The following GALNT5 variants were observed in gnomAD, a reference collection of about 807,000 sequenced individuals.
GALNT5 encodes the protein UDP-GalNAc:polypeptide N-acetylgalactosaminyltransferase 5.
In GALNT5, 72 loss-of-function variants were observed where a neutral mutation model predicts 85.4. That is an observed-to-expected ratio of 0.84 (90% CI 0.70 to 1.03). GALNT5 has a LOEUF of 1.03. Ranked by LOEUF, GALNT5 falls within the 50% of genes least tolerant of loss-of-function variation. GALNT5 has a pLI of 0.00. For synonymous variants in GALNT5, 404 were observed against 397.0 expected (o/e 1.02, Z -0.21); for missense variants, 1,137 against 1,135.5 (o/e 1.00, Z -0.02).
At chr2:157,295,930 A>T (rs1272717859) in intron 4 of GALNT5, 132 bp downstream of exon 4, 2 of 653,238 alleles carry the variant, frequency 3.1e-6, no homozygotes, top group Non-Finnish European at 5.2e-6. Flanking sequence ...TACTTAAATA[A>T]ATGGAAAAAC....
At chr2:157,286,452 A>G (rs1682972948) in intron 3 of GALNT5, among the ~76,000 whole-genome samples, 1 of 152,106 alleles carries the variant, frequency 6.6e-6, no homozygotes, top group Non-Finnish European at 1.5e-5. Flanking sequence ...TAAATATAAT[A>G]CCTACTATAT....
intron 1 of GALNT5, among the ~76,000 whole-genome samples, chr2:157,281,902 G>T (rs1030484963): frequency 6.6e-6 from 1 of 152,180 alleles, no homozygotes; most frequent in African/African-American, 2.4e-5. Context: ...GGTGCATACT[G>T]ATATCTTCTT....
intron 3 of GALNT5, among the ~76,000 whole-genome samples, chr2:157,291,637 C>G (rs796352248): frequency 3.0e-4 from 41 of 135,942 alleles, no homozygotes; most frequent in African/African-American, 1.1e-3. Flanking sequence ...CCACCCACCC[C>G]CCCCCAGATT....
chr2:157,274,061 G>C (rs1682662154), intron 1 of GALNT5, among the ~76,000 whole-genome samples: 1 of 152,004 alleles, frequency 6.6e-6, no homozygotes, highest in African/African-American at 2.4e-5. Flanking sequence ...ACCTATGAGT[G>C]AAAACATGTG....
At chr2:157,280,622 A>G (rs141958978) in intron 1 of GALNT5, among the ~76,000 whole-genome samples, 22 of 152,370 alleles carry the variant, frequency 1.4e-4, no homozygotes, top group South Asian at 1.2e-3. Context: ...GTGCTGCTAT[A>G]ACAAGTACCC....
chr2:157,310,500 C>T (rs562360608), intron 9 of GALNT5, among the ~76,000 whole-genome samples: 1 of 152,172 alleles, frequency 6.6e-6, no homozygotes, highest in South Asian at 2.1e-4. Flanking sequence ...ATGAAAGTCA[C>T]CCCTGTTTGA....
In GALNT5 at chr2:157,262,454, T is replaced by C. The variant is rs150732440; in HGVS notation, c.1454+2918T>C. Reference sequence around the variant, plus strand: ...GAGTTTGAGATCAGCCTGGGCAATATAGTGAGACCTCATCATTACAAAAAA... The same window carrying C: ...GAGTTTGAGATCAGCCTGGGCAATACAGTGAGACCTCATCATTACAAAAAA... On this transcript the variant is annotated intron_variant, in intron 1 of 9. Transcript: ENST00000259056. 6.7e-3 allele frequency among the ~76,000 whole-genome samples: 1,023 copies of C among 152,100 alleles called. 11 individuals carry two copies. The highest frequency in any genetic ancestry group is 0.022 in the African/African-American group (928 of 41,484).
intron 3 of GALNT5, among the ~76,000 whole-genome samples, chr2:157,292,997 C>T (rs1049711122): frequency 3.3e-5 from 5 of 152,152 alleles, no homozygotes; most frequent in Admixed American, 6.5e-5. Flanking sequence ...CCACCACACC[C>T]GGCCAGGAAT....
chr2:157,270,736 TG>T (rs1405075560), intron 1 of GALNT5, among the ~76,000 whole-genome samples: 1 of 152,210 alleles, frequency 6.6e-6, no homozygotes, highest in African/African-American at 2.4e-5. Flanking sequence ...CAGAAAATTT[TG>T]GATGCAGAAG....
At position 157,257,851 on chromosome 2, in the gene GALNT5, G is replaced by A. The variant is rs1682220127; in HGVS notation, c.-232G>A. ...CCAGTGTTTATCAGAACTTAGCCAG[G>A]GCCAGCCAAGCAGGCACAGATGCTC... On this transcript the variant is annotated 5_prime_UTR_variant, in exon 1 of 10. Coordinates refer to ENST00000259056, the MANE Select transcript of GALNT5 (RefSeq NM_014568.3). 1.8e-6 allele frequency: 1 copy of A among 555,606 alleles called. No homozygotes were observed. The highest frequency in any genetic ancestry group is 3.1e-5 in the Admixed American group (1 of 32,420). 34.4% of individuals were successfully genotyped at this position (555,606 alleles called of 1,614,324 possible). A position where few individuals can be genotyped will look rare whatever the true frequency, so the allele number is the denominator to read the frequency against.
At chr2:157,273,003 C>T (rs1206376032) in intron 1 of GALNT5, among the ~76,000 whole-genome samples, 2 of 152,154 alleles carry the variant, frequency 1.3e-5, no homozygotes, top group African/African-American at 4.8e-5. Flanking sequence ...AGTGTATAAG[C>T]ATTCTCTTTT....
chr2:157,278,718 T>C (rs114188556), intron 1 of GALNT5, among the ~76,000 whole-genome samples: 3,717 of 152,294 alleles, frequency 0.024, 157 homozygotes, highest in East Asian at 0.13. Flanking sequence ...ATTCGTCTAG[T>C]GTTTTTTCAA....
Position 157,258,674 on chromosome 2 carries a change from C to T in GALNT5, c.592C>T (p.Arg198Trp), listed in dbSNP as rs771512905. Reference protein sequence around the residue: ...MGRVSLKQEPRKSHSPSSDTS... With the variant: ...MGRVSLKQEPWKSHSPSSDTS... ...ACGTGTCAGTTTAAAACAGGAGCCCCGGAAGAGTCATAGTCCCAGCAGTGA... is the reference window on the plus strand; with the variant it reads ...ACGTGTCAGTTTAAAACAGGAGCCCTGGAAGAGTCATAGTCCCAGCAGTGA... Residue 198 changes from arginine to tryptophan, a missense_variant, in exon 1 of 10, where the codon CGG becomes TGG. Physicochemically the swap from Arg to Trp is moderately radical, Grantham distance 101. Transcript: ENST00000259056. The T allele has an allele frequency of 1.9e-5, 31 of 1,613,686 alleles. No homozygotes were observed. The highest frequency in any genetic ancestry group is 3.3e-4 in the Middle Eastern group (2 of 6,060).
At chr2:157,279,891 C>G (rs368982489) in intron 1 of GALNT5, among the ~76,000 whole-genome samples, 1 of 152,340 alleles carries the variant, frequency 6.6e-6, no homozygotes, top group East Asian at 1.9e-4. Context: ...AATAACCCGT[C>G]TTCTGTGTCA....
At chr2:157,285,880 T>C in intron 2 of GALNT5, 135 bp from the exon 3 acceptor site, 2 of 613,838 alleles carry the variant, frequency 3.3e-6, no homozygotes, top group African/African-American at 3.7e-5. Context: ...GAAAATAAAA[T>C]TATGACCCAA....
chr2:157,300,985 A>G lies in GALNT5; in HGVS notation c.2425A>G (p.Arg809Gly). 6.2e-7 allele frequency: 1 copy of G among 1,611,912 alleles called. No homozygotes were observed. Reference protein sequence around the residue: ...VFPDLRAPIVRASGVLINVAL... With the variant: ...VFPDLRAPIVGASGVLINVAL... The stretch of plus-strand genomic sequence containing the variant: ...TCCTGACTTAAGGGCTCCCATTGTG[A>G]GAGCTAGTGGTGTGGTAAGTTCAAG... Residue 809 changes from arginine (R) to glycine (G), a missense_variant, in exon 7 of 10, where the codon AGA becomes GGA. Coordinates refer to ENST00000259056, the MANE Select transcript of GALNT5 (RefSeq NM_014568.3).
rs563726965 is a variant in GALNT5 at position 157,309,011 on chromosome 2, C to T, written c.2682+283C>T. 1.2e-4 allele frequency among the ~76,000 whole-genome samples: 18 copies of T among 152,114 alleles called. 1 individual carries two copies. Among genetic ancestry groups the T allele is most frequent in the African/African-American group, 3.9e-4 (16 of 41,484 alleles). On this transcript the variant is annotated intron_variant, in intron 9 of 9. Coordinates refer to ENST00000259056, the MANE Select transcript of GALNT5 (RefSeq NM_014568.3). Reference sequence around the variant, plus strand: ...ATTTGCTTCAGTCAATCAACAACACCGAAAGTCAGGCTTAAAGGCTAGAAC... The same window carrying T: ...ATTTGCTTCAGTCAATCAACAACACTGAAAGTCAGGCTTAAAGGCTAGAAC...
intron 2 of GALNT5, 40 bp from the exon 3 acceptor site, chr2:157,285,975 T>C: frequency 1.3e-6 from 2 of 1,516,570 alleles, no homozygotes; most frequent in African/African-American, 1.4e-5. Flanking sequence ...CGGACTTACT[T>C]AATTCAAGTA....
At chr2:157,286,411 C>A (rs527434520) in intron 3 of GALNT5, among the ~76,000 whole-genome samples, 41 of 152,194 alleles carry the variant, frequency 2.7e-4, no homozygotes, top group Non-Finnish European at 5.6e-4. Context: ...AGAACAGAAG[C>A]ATTCTCTTAA....
Sources: allele counts gnomAD v4.1 joint callset (sites outside exome capture counted in the v4.1 genomes callset), GRCh38; gene constraint gnomAD v4.1.1; transcripts MANE v1.5; gene names NCBI Gene and HGNC (gene_info 2026-07-23, HGNC 2026-07-21).